NAV2: variants seen among roughly 807,000 people sequenced by gnomAD.
NAV2 encodes the protein helicase, APC down-regulated 1.
In NAV2, 54 loss-of-function variants were observed where a neutral mutation model predicts 223.2. The observed-to-expected ratio is 0.24, with a 90% confidence interval of 0.19 to 0.30. The LOEUF (loss-of-function observed/expected upper bound fraction) is 0.30. NAV2 is among the 10% of genes least tolerant of loss of function. The probability of loss-of-function intolerance (pLI) is 1.00; values close to 1 mark genes in which losing one functional copy is unlikely to be tolerated. For synonymous variants in NAV2, 1,279 were observed against 1,239.3 expected, an observed-to-expected ratio of 1.03 and a Z score of -0.67; for missense variants, 2,806 against 3,147.5, an observed-to-expected ratio of 0.89 and a Z score of 2.60.
chr11:20,054,643 A>G (rs576438034), intron 18 of NAV2, among the ~76,000 whole-genome samples: 2 of 152,340 alleles, frequency 1.3e-5, no homozygotes, highest in East Asian at 3.9e-4. Flanking sequence ...AGACCTCTGA[A>G]GAAATAGATT....
At chr11:19,978,367 G>A (rs2049989393) in intron 10 of NAV2, among the ~76,000 whole-genome samples, 1 of 152,156 alleles carries the variant, frequency 6.6e-6, no homozygotes, top group Non-Finnish European at 1.5e-5. Flanking sequence ...TGGGGATCTG[G>A]ATGTTGATGA....
chr11:19,685,067 C>T (rs1398616716), intron 1 of NAV2, among the ~76,000 whole-genome samples: 1 of 152,116 alleles, frequency 6.6e-6, no homozygotes, highest in African/African-American at 2.4e-5. Context: ...AGAGCAAGAC[C>T]CAAATGCTGA....
chr11:19,948,640 G>A lies in NAV2; in HGVS notation c.2256-51G>A, dbSNP rs1289264093. On this transcript the variant is annotated intron_variant, in intron 9 of 37. Transcript: ENST00000349880. Reference sequence around the variant, plus strand: ...TAAATAATTAAAGAACATATAAACTGTGAAGGATACTAGGTACCTTTGAGT... The same window carrying A: ...TAAATAATTAAAGAACATATAAACTATGAAGGATACTAGGTACCTTTGAGT... 6 of 1,496,328 alleles carry A rather than the reference G, an allele frequency of 4.0e-6. No homozygotes were observed. The African/African-American group carries it at 7.0e-5, about 17-fold the overall frequency. 92.7% of individuals were successfully genotyped at this position (1,496,328 alleles called of 1,614,324 possible).
chr11:19,593,678 C>T (rs1360859677), intron 1 of NAV2, among the ~76,000 whole-genome samples: 1 of 152,154 alleles, frequency 6.6e-6, no homozygotes, highest in Non-Finnish European at 1.5e-5. Flanking sequence ...GTGAGTGATT[C>T]AGTGTCTCTA....
intron 22 of NAV2, among the ~76,000 whole-genome samples, chr11:20,072,685 C>A (rs986093929): frequency 2.0e-5 from 3 of 152,092 alleles, no homozygotes; most frequent in African/African-American, 7.2e-5. Flanking sequence ...GTATTTTATT[C>A]TCTTTGTAGC....
Position 19,897,886 on chromosome 11 carries a change from T to TATATATATATATATATATATA in NAV2, c.931+5292_931+5293insATATATATATATATATATATA, listed in dbSNP as rs1555129987. On this transcript the variant is annotated intron_variant, in intron 6 of 37. Coordinates refer to ENST00000349880, the MANE Select transcript of NAV2 (RefSeq NM_145117.5). ...GCCACAGCTGTGCCTGACCTGTGAT[T>TATATATATATATATATATATA]TATATATATATATATATATGTGAGC... Among the ~76,000 whole-genome samples the TATATATATATATATATATATA allele has an allele frequency of 2.1e-4, 25 of 120,670 alleles. 2 individuals carry two copies. The highest frequency in any genetic ancestry group is 6.4e-4 in the African/African-American group (19 of 29,670). 79.2% of individuals were successfully genotyped at this position (120,670 alleles called of 152,430 possible).
chr11:19,634,562 C>T lies in NAV2; in HGVS notation c.76-197922C>T, dbSNP rs192285692. Among the ~76,000 whole-genome samples the T allele has an allele frequency of 3.8e-3, 574 of 152,210 alleles. 7 individuals carry two copies. The highest frequency in any genetic ancestry group is 0.013 in the African/African-American group (539 of 41,502). ...TATGTATTAACTGACTTCATTTATTCGTCCATCCATTCATTCGTTCCTTCA... is the reference window on the plus strand; with the variant it reads ...TATGTATTAACTGACTTCATTTATTTGTCCATCCATTCATTCGTTCCTTCA... On this transcript the variant is annotated intron_variant, in intron 1 of 37. Transcript: ENST00000360655.
chr11:19,639,813 T>C (rs2135551324), intron 1 of NAV2, among the ~76,000 whole-genome samples: 1 of 152,254 alleles, frequency 6.6e-6, no homozygotes, highest in Non-Finnish European at 1.5e-5. Context: ...CTGCCTGGCC[T>C]TGTGATCAGG....
chr11:19,838,787 C>G (rs753665874), intron 2 of NAV2, among the ~76,000 whole-genome samples: 1 of 152,242 alleles, frequency 6.6e-6, no homozygotes, highest in East Asian at 1.9e-4. Flanking sequence ...CCATGCCCAG[C>G]TAATTTTTGT....
chr11:19,842,358 A>T lies in NAV2; in HGVS notation c.386-513A>T, dbSNP rs560076237. 4.6e-5 allele frequency among the ~76,000 whole-genome samples: 7 copies of T among 152,142 alleles called. No homozygotes were observed. The South Asian group carries it at 1.5e-3, about 32-fold the overall frequency. ...CATAGTGAGAAAGTGATGAAGTCTC[A>T]CTTTCTCATTTTCCCCATTTGCCAC... is the stretch of plus-strand genomic sequence containing the variant. On this transcript the variant is annotated intron_variant, in intron 2 of 37. Coordinates refer to ENST00000349880, the MANE Select transcript of NAV2 (RefSeq NM_145117.5).
rs1591053399 is a variant in NAV2, at chr11:19,883,269, C to G, written c.770+3142C>G. ...AGCTATGGAAGTTGGCAAAGAAAAT[C>G]TGAGATTTTTTTTTGCTCCACTGGC... On this transcript the variant is annotated intron_variant, in intron 5 of 37. Coordinates refer to ENST00000349880, the MANE Select transcript of NAV2 (RefSeq NM_145117.5). 1.3e-5 allele frequency among the ~76,000 whole-genome samples: 2 copies of G among 152,204 alleles called. 1 individual carries two copies. The highest frequency in any genetic ancestry group is 3.8e-4 in the East Asian group (2 of 5,206).
intron 1 of NAV2, among the ~76,000 whole-genome samples, chr11:19,749,356 ACTGG>A (rs1311600646): frequency 1.3e-5 from 2 of 152,126 alleles, no homozygotes; most frequent in Non-Finnish European, 2.9e-5. Flanking sequence ...AACTCCAGTC[ACTGG>A]CTGCTGCAAC....
At chr11:20,006,957 CT>C (rs909788493) in intron 11 of NAV2, among the ~76,000 whole-genome samples, 81 of 147,162 alleles carry the variant, frequency 5.5e-4, no homozygotes, top group African/African-American at 1.3e-3. Context: ...TCATTTTCTT[CT>C]TTTTTTTTTT....
At position 19,984,224 on chromosome 11, in the gene NAV2, C is replaced by T. The variant is rs758261555; in HGVS notation, c.2745C>T (p.Ser915=). Reference sequence around the variant, plus strand: ...GGGAGACCCTGCAACGAAATACCTCCCTGGGCCTCGGAGACGCTGACAGGT... The same window carrying T: ...GGGAGACCCTGCAACGAAATACCTCTCTGGGCCTCGGAGACGCTGACAGGT... ...VVRETLQRNT[S]LGLGDADSWD... Residue 915 remains serine (S), a synonymous_variant, in exon 11 of 38, where the codon TCC becomes TCT. Coordinates refer to ENST00000349880, the MANE Select transcript of NAV2 (RefSeq NM_145117.5). 5.6e-6 allele frequency: 9 copies of T among 1,614,080 alleles called. No homozygotes were observed. The African/African-American group carries it at 1.2e-4, about 22-fold the overall frequency.
At chr11:19,446,455 T>C (rs965790578) in intron 1 of NAV2, among the ~76,000 whole-genome samples, 1 of 152,134 alleles carries the variant, frequency 6.6e-6, no homozygotes, top group Admixed American at 6.5e-5. Flanking sequence ...AGAGGTTGTT[T>C]GGGTTTAAAT....
intron 1 of NAV2, among the ~76,000 whole-genome samples, chr11:19,827,933 T>G (rs1259947404): frequency 6.6e-6 from 1 of 151,446 alleles, no homozygotes; most frequent in Admixed American, 6.6e-5. Flanking sequence ...CAAGCCTAGG[T>G]AGTAGAGCGG....
At chr11:19,888,283 G>A (rs187092210) in intron 5 of NAV2, among the ~76,000 whole-genome samples, 3 of 152,298 alleles carry the variant, frequency 2.0e-5, no homozygotes, top group Admixed American at 2.0e-4. Flanking sequence ...GGTGCTGTAA[G>A]GGATGCAGGG....
At chr11:19,427,259 G>C (rs1418729160) in intron 1 of NAV2, among the ~76,000 whole-genome samples, 1 of 152,220 alleles carries the variant, frequency 6.6e-6, no homozygotes, top group Non-Finnish European at 1.5e-5. Context: ...TCTCACACTT[G>C]ACGTGGGCTA....
At chr11:19,860,168 G>C (rs1311542149) in intron 3 of NAV2, among the ~76,000 whole-genome samples, 1 of 147,210 alleles carries the variant, frequency 6.8e-6, no homozygotes. Context: ...CCAGGCGGGG[G>C]GCTGACCCCC....
Sources: allele counts gnomAD v4.1 joint callset (sites outside exome capture counted in the v4.1 genomes callset), GRCh38; gene constraint gnomAD v4.1.1; transcripts MANE v1.5; gene names NCBI Gene and HGNC (gene_info 2026-07-23, HGNC 2026-07-21).